Variants in COX10 observed in about 807,000 individuals in gnomAD.
COX10 encodes the protein protoheme IX farnesyltransferase, mitochondrial.
Under a neutral mutation model 37.3 loss-of-function variants are expected in COX10, and 27 were observed. The ratio of observed to expected loss-of-function variants is 0.72; its 90% CI spans 0.53 to 1.00. The LOEUF (loss-of-function observed/expected upper bound fraction) is 1.00. Ranked by LOEUF, COX10 falls within the 50% of genes least tolerant of loss-of-function variation. The pLI is 0.00. For missense variants in COX10, 475 were observed against 563.2 expected (o/e 0.84, Z 1.59); for synonymous variants, 222 against 229.1 (o/e 0.97, Z 0.28).
At chr17:14,202,216 G>A (rs534925027) in intron 6 of COX10, among the ~76,000 whole-genome samples, 4 of 132,938 alleles carry the variant, frequency 3.0e-5, no homozygotes, top group Non-Finnish European at 6.3e-5. Context: ...TCTGTGTGTG[G>A]CAACAACTTT....
intron 3 of COX10, among the ~76,000 whole-genome samples, chr17:14,086,457 A>G (rs2142189293): frequency 6.6e-6 from 1 of 152,236 alleles, no homozygotes; most frequent in East Asian, 1.9e-4. Context: ...CAATTCTGCT[A>G]ATGTTTTAAT....
At chr17:14,155,482 G>A (rs1225359918) in intron 4 of COX10, among the ~76,000 whole-genome samples, 12 of 152,038 alleles carry the variant, frequency 7.9e-5, no homozygotes, top group African/African-American at 2.2e-4. Context: ...TTGGGAGGCC[G>A]AGTCAGATGG....
intron 4 of COX10, among the ~76,000 whole-genome samples, chr17:14,126,631 CTTA>C (rs1158656661): frequency 6.6e-6 from 1 of 152,052 alleles, no homozygotes; most frequent in Non-Finnish European, 1.5e-5. Flanking sequence ...TTTTGTTCCT[CTTA>C]TTATTTTGAT....
intron 6 of COX10, among the ~76,000 whole-genome samples, chr17:14,201,552 G>A (rs979581234): frequency 2.6e-5 from 4 of 152,070 alleles, no homozygotes; most frequent in African/African-American, 7.2e-5. Context: ...AAAATACTTC[G>A]GTTGACACAC....
intron 4 of COX10, among the ~76,000 whole-genome samples, chr17:14,138,699 A>G (rs1049520668): frequency 2.6e-5 from 4 of 152,212 alleles, no homozygotes; most frequent in African/African-American, 9.6e-5. Context: ...ATTAGCAGTT[A>G]TAATTTGCAT....
chr17:14,143,857 T>A (rs895749642), intron 4 of COX10, among the ~76,000 whole-genome samples: 3 of 152,146 alleles, frequency 2.0e-5, no homozygotes, highest in Non-Finnish European at 4.4e-5. Context: ...CTCTGTTGTA[T>A]AGAGTCTTGC....
Position 14,207,324 on chromosome 17 carries a change from A to T in COX10, c.*111A>T. 1 of 1,353,678 alleles carries T rather than the reference A, an allele frequency of 7.4e-7. No individual in the cohort carries two copies. Among genetic ancestry groups the T allele is most frequent in the Non-Finnish European group, 9.7e-7 (1 of 1,030,310 alleles). The allele number at this position is 1,353,678 out of a possible 1,614,324, so 83.9% of individuals were successfully genotyped here. On this transcript the variant is annotated 3_prime_UTR_variant, in exon 7 of 7. Coordinates refer to ENST00000261643, the MANE Select transcript of COX10 (RefSeq NM_001303.4). Reference sequence around the variant, plus strand: ...TGGGTTTAGAACAAGATTATAAACGAATTCGGTGCTCAGTGATCACTTGAC... The same window carrying T: ...TGGGTTTAGAACAAGATTATAAACGTATTCGGTGCTCAGTGATCACTTGAC...
intron 5 of COX10, among the ~76,000 whole-genome samples, chr17:14,162,908 A>G (rs1905198243): frequency 6.6e-6 from 1 of 152,210 alleles, no homozygotes; most frequent in East Asian, 1.9e-4. Context: ...GAAAATTCAG[A>G]TGAGCGGGTT....
intron 2 of COX10, among the ~76,000 whole-genome samples, chr17:14,076,400 TTATTG>T (rs567917608): frequency 1.1e-3 from 173 of 152,158 alleles, no homozygotes; most frequent in Non-Finnish European, 1.9e-3. Flanking sequence ...GAAAACTTTT[TTATTG>T]TATTTGGAAT....
At chr17:14,085,077 A>G (rs1915380092) in intron 3 of COX10, among the ~76,000 whole-genome samples, 1 of 152,026 alleles carries the variant, frequency 6.6e-6, no homozygotes, top group Admixed American at 6.6e-5. Context: ...CTGGTCTACA[A>G]TTTTATTGGC....
At chr17:14,087,055 T>C (rs1389088840) in intron 3 of COX10, among the ~76,000 whole-genome samples, 2 of 152,206 alleles carry the variant, frequency 1.3e-5, no homozygotes, top group African/African-American at 4.8e-5. Flanking sequence ...GTTAGGTTTT[T>C]TCTAGAGTGT....
At chr17:14,158,317 G>A (rs557808875) in intron 4 of COX10, among the ~76,000 whole-genome samples, 48 of 151,678 alleles carry the variant, frequency 3.2e-4, no homozygotes, top group African/African-American at 1.1e-3. Flanking sequence ...CAAAATTAAA[G>A]GGAACACAAC....
chr17:14,167,567 A>T (rs1905329452), intron 5 of COX10, among the ~76,000 whole-genome samples: 1 of 152,192 alleles, frequency 6.6e-6, no homozygotes, highest in Admixed American at 6.5e-5. Flanking sequence ...AGACTGGGTC[A>T]TTTATAAAGA....
At chr17:14,098,598 T>C (rs1244248887) in intron 3 of COX10, among the ~76,000 whole-genome samples, 1 of 152,174 alleles carries the variant, frequency 6.6e-6, no homozygotes, top group Non-Finnish European at 1.5e-5. Context: ...CTTTGTTGTT[T>C]GCTTTAAAAA....
At chr17:14,161,024 A>G (rs1905161626) in intron 5 of COX10, among the ~76,000 whole-genome samples, 1 of 152,152 alleles carries the variant, frequency 6.6e-6, no homozygotes, top group Admixed American at 6.5e-5. Context: ...CTGTTCAGTC[A>G]TTTTTCCTCA....
At chr17:14,113,478 C>T (rs1209152726) in intron 4 of COX10, among the ~76,000 whole-genome samples, 3 of 152,022 alleles carry the variant, frequency 2.0e-5, no homozygotes, top group Non-Finnish European at 2.9e-5. Flanking sequence ...TTTCTGAAAA[C>T]GGAATTCTTC....
intron 3 of COX10, among the ~76,000 whole-genome samples, chr17:14,078,168 T>C (rs1007811704): frequency 6.6e-6 from 1 of 152,170 alleles, no homozygotes; most frequent in Non-Finnish European, 1.5e-5. Flanking sequence ...CAGTGGTTTA[T>C]GGTCACTAAG....
chr17:14,149,049 A>T (rs1381166225), intron 4 of COX10, among the ~76,000 whole-genome samples: 2 of 149,314 alleles, frequency 1.3e-5, no homozygotes, highest in African/African-American at 4.9e-5. Flanking sequence ...ATATTCACTA[A>T]CATAAAAATA....
chr17:14,131,588 G>A (rs879410714), intron 4 of COX10, among the ~76,000 whole-genome samples: 1 of 151,886 alleles, frequency 6.6e-6, no homozygotes, highest in Non-Finnish European at 1.5e-5. Context: ...AAAATACACT[G>A]GGTGAAGCAC....
Sources: allele counts gnomAD v4.1 joint callset (sites outside exome capture counted in the v4.1 genomes callset), GRCh38; gene constraint gnomAD v4.1.1; transcripts MANE v1.5; gene names NCBI Gene and HGNC (gene_info 2026-07-23, HGNC 2026-07-21).